The following RARB variants were observed in gnomAD, a reference collection of about 807,000 sequenced individuals.
The protein encoded by RARB is HBV-activated protein.
Under a neutral mutation model 51.9 loss-of-function variants are expected in RARB, and 17 were observed. The ratio of observed to expected loss-of-function variants is 0.33; its 90% confidence interval spans 0.22 to 0.49. The LOEUF (loss-of-function observed/expected upper bound fraction) is 0.49, where lower values mean the gene tolerates loss of function less well. Ranked by LOEUF, RARB falls within the 20% of genes least tolerant of loss-of-function variation. The pLI is 0.99. For synonymous variants in RARB, 215 were observed against 195.4 expected (o/e 1.10, Z -0.84); for missense variants, 369 against 550.8 (o/e 0.67, Z 3.30).
At chr3:24,890,947 A>T (rs920621061) in intron 2 of RARB, among the ~76,000 whole-genome samples, 34 of 152,066 alleles carry the variant, frequency 2.2e-4, no homozygotes, top group African/African-American at 8.0e-4. Context: ...CAAAATGGGG[A>T]TAATTAGAGG....
At chr3:25,282,581 A>T (rs923157675) in intron 5 of RARB, among the ~76,000 whole-genome samples, 1 of 152,190 alleles carries the variant, frequency 6.6e-6, no homozygotes, top group Non-Finnish European at 1.5e-5. Flanking sequence ...TTCACTGATA[A>T]GTCCTAAATT....
At chr3:25,042,863 C>T (rs1296761939) in intron 2 of RARB, among the ~76,000 whole-genome samples, 1 of 152,198 alleles carries the variant, frequency 6.6e-6, no homozygotes, top group Non-Finnish European at 1.5e-5. Flanking sequence ...ATTTCCTCTA[C>T]CCCTCCAGCC....
At chr3:25,553,781 C>T (rs1309250333) in intron 3 of RARB, among the ~76,000 whole-genome samples, 2 of 152,188 alleles carry the variant, frequency 1.3e-5, no homozygotes, top group Non-Finnish European at 2.9e-5. Context: ...AAACATCCAA[C>T]ATCTCTCAGG....
intron 2 of RARB, among the ~76,000 whole-genome samples, chr3:25,013,377 C>A (rs1033967919): frequency 6.6e-6 from 1 of 152,072 alleles, no homozygotes; most frequent in African/African-American, 2.4e-5. Context: ...ACATAGATAC[C>A]TAGAAATGTA....
intron 4 of RARB, among the ~76,000 whole-genome samples, chr3:25,160,128 C>T (rs544054376): frequency 2.0e-5 from 3 of 152,304 alleles, no homozygotes; most frequent in African/African-American, 7.2e-5. Context: ...TAACTGTCTC[C>T]ATCATATCTA....
intron 3 of RARB, among the ~76,000 whole-genome samples, chr3:25,548,101 CTTTTT>C (rs66817079): frequency 2.4e-5 from 3 of 126,296 alleles, no homozygotes; most frequent in Non-Finnish European, 3.3e-5. Context: ...ATTCATTTGG[CTTTTT>C]TTTTTTTTTT....
chr3:25,026,281 C>T (rs1287650316), intron 2 of RARB, among the ~76,000 whole-genome samples: 5 of 152,208 alleles, frequency 3.3e-5, no homozygotes, highest in African/African-American at 7.2e-5. Flanking sequence ...TAAAATATTA[C>T]AGGCCTAGGT....
chr3:25,551,921 C>A (rs1699866319), intron 3 of RARB, among the ~76,000 whole-genome samples: 1 of 152,208 alleles, frequency 6.6e-6, no homozygotes, highest in South Asian at 2.1e-4. Context: ...CCATGCCTAC[C>A]TGCATTCCTC....
intron 5 of RARB, among the ~76,000 whole-genome samples, chr3:25,280,169 G>A (rs988549523): frequency 1.3e-5 from 2 of 152,208 alleles, no homozygotes; most frequent in African/African-American, 4.8e-5. Flanking sequence ...GGCAGTCATG[G>A]AGAAATATGA....
chr3:24,923,135 A>G (rs552931661), intron 2 of RARB, among the ~76,000 whole-genome samples: 12 of 152,306 alleles, frequency 7.9e-5, no homozygotes, highest in African/African-American at 2.9e-4. Context: ...TCCATTTAGC[A>G]CATTATTTTT....
chr3:25,154,246 A>G (rs972998260), intron 4 of RARB, among the ~76,000 whole-genome samples: 1 of 152,162 alleles, frequency 6.6e-6, no homozygotes, highest in African/African-American at 2.4e-5. Flanking sequence ...CAATTAACTC[A>G]TCCAAAACTA....
intron 4 of RARB, among the ~76,000 whole-genome samples, chr3:25,172,190 T>C (rs1700658929): frequency 6.6e-6 from 1 of 152,208 alleles, no homozygotes; most frequent in African/African-American, 2.4e-5. Flanking sequence ...CTGGGGCAGA[T>C]GTCATCTAAG....
intron 2 of RARB, among the ~76,000 whole-genome samples, chr3:25,462,086 C>T (rs143986851): frequency 5.9e-5 from 9 of 152,312 alleles, no homozygotes; most frequent in African/African-American, 2.2e-4. Context: ...TTTTCCTCAG[C>T]TCTGTGGCCT....
At chr3:25,516,707 A>G (rs1206562298) in intron 3 of RARB, among the ~76,000 whole-genome samples, 1 of 150,414 alleles carries the variant, frequency 6.6e-6, no homozygotes, top group East Asian at 1.9e-4. Flanking sequence ...GCTCACTGCA[A>G]TCTCTGCCTC....
At chr3:25,578,763 G>A (rs1259765989) in intron 4 of RARB, among the ~76,000 whole-genome samples, 4 of 152,186 alleles carry the variant, frequency 2.6e-5, no homozygotes, top group African/African-American at 9.7e-5. Context: ...AGTGTCTGTG[G>A]CACCTCGTGC....
intron 3 of RARB, among the ~76,000 whole-genome samples, chr3:25,537,942 A>G (rs2125651331): frequency 6.6e-6 from 1 of 152,280 alleles, no homozygotes; most frequent in African/African-American, 2.4e-5. Flanking sequence ...AGAAAGTGCT[A>G]CTTTACTGAG....
At chr3:25,016,076 A>G (rs1389885043) in intron 2 of RARB, among the ~76,000 whole-genome samples, 1 of 152,204 alleles carries the variant, frequency 6.6e-6, no homozygotes, top group African/African-American at 2.4e-5. Flanking sequence ...CAGGATAAAT[A>G]ATGGACAAAT....
chr3:25,198,874 A>T (rs1701312649), intron 5 of RARB, among the ~76,000 whole-genome samples: 1 of 152,054 alleles, frequency 6.6e-6, no homozygotes, highest in Non-Finnish European at 1.5e-5. Flanking sequence ...GTGGAGAGAA[A>T]AGTGGACATT....
chr3:24,869,955 C>T (rs1444424233), intron 2 of RARB, among the ~76,000 whole-genome samples: 5 of 152,018 alleles, frequency 3.3e-5, no homozygotes, highest in Admixed American at 3.3e-4. Context: ...TATGGAAAAT[C>T]TCATTTTAGT....
Sources: allele counts gnomAD v4.1 joint callset (sites outside exome capture counted in the v4.1 genomes callset), GRCh38; gene constraint gnomAD v4.1.1; transcripts MANE v1.5; gene names NCBI Gene and HGNC (gene_info 2026-07-23, HGNC 2026-07-21).